Variants in PODXL2 observed in about 807,000 individuals in gnomAD.
PODXL2 encodes the protein podocalyxin-like protein 2.
Under a neutral mutation model 53.4 loss-of-function variants are expected in PODXL2, and 17 were observed. The ratio of observed to expected loss-of-function variants is 0.32; its 90% CI spans 0.22 to 0.48. The LOEUF is 0.48. PODXL2 is among the 20% of genes least tolerant of loss of function. The probability of loss-of-function intolerance (pLI) is 0.99; values close to 1 mark genes in which losing one functional copy is unlikely to be tolerated. For synonymous variants in PODXL2, 311 were observed against 306.7 expected, an observed-to-expected ratio of 1.01 and a Z score of -0.15; for missense variants, 673 against 760.0, an observed-to-expected ratio of 0.89 and a Z score of 1.35.
chr3:127,668,294 C>T lies in PODXL2; in HGVS notation c.1207-147C>T, dbSNP rs1028278358. ...TTCCCACATTCCCTGGCTTGCAGCT[C>T]TCAGAGGGTCTCCAGAGTTGACCAG... is the stretch of plus-strand genomic sequence containing the variant. On this transcript the variant is annotated intron_variant, in intron 4 of 7. Transcript: ENST00000342480. 104 of 628,700 alleles carry T rather than the reference C, an allele frequency of 1.7e-4. 1 individual carries two copies. Among genetic ancestry groups the T allele is most frequent in the Admixed American group, 8.5e-5 (2 of 23,570 alleles). The allele number at this position is 628,700 out of a possible 1,614,324, so 38.9% of individuals were successfully genotyped here. A position where few individuals can be genotyped will look rare whatever the true frequency, so the allele number is the denominator to read the frequency against.
In PODXL2 at chr3:127,672,427, G is replaced by A. The variant is rs1490753571; in HGVS notation, c.1765G>A (p.Gly589Ser). Residue 589 changes from glycine (G) to serine (S), a missense_variant, in exon 8 of 8, where the codon GGC becomes AGC. Coordinates refer to ENST00000342480, the MANE Select transcript of PODXL2 (RefSeq NM_015720.4). ...GPGSWGALMGGKRDPEDSDVF... is the reference protein window; with the variant it reads ...GPGSWGALMGSKRDPEDSDVF... ...GGGGAGCTGGGGGGCGCTCATGGGG[G>A]GCAAGCGGGACCCCGAGGACTCGGA... 6 of 1,541,024 alleles carry A rather than the reference G, an allele frequency of 3.9e-6. No individual in the cohort carries two copies. The highest frequency in any genetic ancestry group is 5.2e-6 in the Non-Finnish European group (6 of 1,145,242).
intron 2 of PODXL2, among the ~76,000 whole-genome samples, chr3:127,653,968 A>T (rs2074705499): frequency 6.6e-6 from 1 of 152,234 alleles, no homozygotes; most frequent in African/African-American, 2.4e-5. Context: ...CCACAGCAGG[A>T]TGATCAAAAT....
At chr3:127,648,256 A>G (rs1251711163) in intron 2 of PODXL2, among the ~76,000 whole-genome samples, 1 of 152,220 alleles carries the variant, frequency 6.6e-6, no homozygotes, top group African/African-American at 2.4e-5. Context: ...GCCGTAATCA[A>G]TTTTGGAGAA....
rs1328438761 is a variant in PODXL2, at chr3:127,672,451, G to A, written c.1789G>A (p.Asp597Asn). ...GGGCAAGCGGGACCCCGAGGACTCG[G>A]ACGTGTTCGAGGAGGACACGCACCT... ...MGGKRDPEDSDVFEEDTHL is the reference protein window; with the variant it reads ...MGGKRDPEDSNVFEEDTHL The change falls in exon 8 of 8, where the codon GAC becomes AAC. Residue 597 changes from aspartate (D) to asparagine (N), a missense_variant. Physicochemically the swap from Asp to Asn is conservative, Grantham distance 23 (BLOSUM62 1). Around this residue, in one of 3 missense-constraint regions of PODXL2, gnomAD observed 79 missense variants for 70.5 expected, o/e 1.12. Coordinates refer to ENST00000342480, the MANE Select transcript of PODXL2 (RefSeq NM_015720.4). 1.3e-6 allele frequency: 2 copies of A among 1,534,944 alleles called. No homozygotes were observed. The highest frequency in any genetic ancestry group is 2.8e-5 in the African/African-American group (2 of 72,678).
At chr3:127,635,694 ACT>A (rs1183826744) in intron 1 of PODXL2, among the ~76,000 whole-genome samples, 1 of 152,190 alleles carries the variant, frequency 6.6e-6, no homozygotes, top group Non-Finnish European at 1.5e-5. Context: ...TGGATTCAGA[ACT>A]CTAGGGTGGG....
At chr3:127,668,416 C>A in intron 4 of PODXL2, 25 bp from the exon 5 acceptor site, 2 of 1,494,916 alleles carry the variant, frequency 1.3e-6, no homozygotes, top group East Asian at 2.5e-5. Context: ...TCACTGAACA[C>A]GGGGGGCTCT....
intron 2 of PODXL2, among the ~76,000 whole-genome samples, chr3:127,654,729 A>G (rs1001367461): frequency 2.6e-5 from 4 of 152,174 alleles, no homozygotes; most frequent in African/African-American, 9.7e-5. Flanking sequence ...TCCTCATTCT[A>G]TGGAGACACT....
chr3:127,642,020 C>G (rs970131556), intron 2 of PODXL2, among the ~76,000 whole-genome samples: 5 of 152,016 alleles, frequency 3.3e-5, no homozygotes, highest in Non-Finnish European at 7.3e-5. Flanking sequence ...GGGCCGGGCA[C>G]GTGGCTCACG....
In PODXL2 at chr3:127,672,337, G is replaced by A; in HGVS notation, c.1675G>A (p.Asp559Asn). The change falls in exon 8 of 8, where the codon GAC becomes AAC. Residue 559 changes from aspartate to asparagine, a missense_variant. This residue lies in a region of PODXL2 where 79 missense variants were observed against 70.5 expected (regional missense o/e 1.12). Coordinates refer to ENST00000342480, the MANE Select transcript of PODXL2 (RefSeq NM_015720.4). ...CAACCCCACGCTGGACGTGGCCAGCGACAGCCAGTCGGAGATGCAGGAGAA... is the reference window on the plus strand; with the variant it reads ...CAACCCCACGCTGGACGTGGCCAGCAACAGCCAGTCGGAGATGCAGGAGAA... ...HDNPTLDVAS[D>N]SQSEMQEKHP... is the part of the protein sequence containing the mutation. 6.5e-7 allele frequency: 1 copy of A among 1,550,146 alleles called. No homozygotes were observed. Among genetic ancestry groups the A allele is most frequent in the South Asian group, 1.2e-5 (1 of 84,336 alleles).
At chr3:127,634,267 A>T (rs2074564243) in intron 1 of PODXL2, among the ~76,000 whole-genome samples, 2 of 152,120 alleles carry the variant, frequency 1.3e-5, no homozygotes, top group Admixed American at 1.3e-4. Context: ...CTCTACTAAA[A>T]ATACAAAATT....
chr3:127,637,391 A>G (rs983057567), intron 1 of PODXL2, among the ~76,000 whole-genome samples: 2 of 152,198 alleles, frequency 1.3e-5, no homozygotes, highest in Non-Finnish European at 2.9e-5. Flanking sequence ...TCCCCGGGCC[A>G]TGAACTTCAC....
chr3:127,666,127 G>A (rs1183657038), intron 4 of PODXL2, among the ~76,000 whole-genome samples: 2 of 152,166 alleles, frequency 1.3e-5, no homozygotes, highest in East Asian at 3.8e-4. Flanking sequence ...CATCACCACT[G>A]GATGATGTCC....
intron 2 of PODXL2, among the ~76,000 whole-genome samples, chr3:127,655,348 G>A (rs1436625997): frequency 2.0e-5 from 3 of 151,596 alleles, no homozygotes; most frequent in African/African-American, 2.4e-5. Flanking sequence ...GGAGGTTGGA[G>A]TGAGCCGAGA....
chr3:127,667,882 C>T (rs1383384620), intron 4 of PODXL2, among the ~76,000 whole-genome samples: 3 of 152,190 alleles, frequency 2.0e-5, no homozygotes, highest in Admixed American at 6.5e-5. Context: ...TGCATCTCTG[C>T]GATGACAGGC....
At chr3:127,664,434 G>A (rs1194249992) in intron 4 of PODXL2, among the ~76,000 whole-genome samples, 1 of 151,520 alleles carries the variant, frequency 6.6e-6, no homozygotes, top group African/African-American at 2.4e-5. Flanking sequence ...TCCATCTTTT[G>A]GCTATTGTGA....
rs1199018479 is a variant in PODXL2, at chr3:127,672,264, T to C, written c.1606-4T>C. ...GCCCATGGCCTCTCCCCACCCCGCC[T>C]CAGTCGCACGGCGAGGAGCTGCGCT... On this transcript the variant is annotated splice_polypyrimidine_tract_variant and splice_region_variant and intron_variant, in intron 7 of 7. Coordinates refer to ENST00000342480, the MANE Select transcript of PODXL2 (RefSeq NM_015720.4). The C allele has an allele frequency of 1.3e-6, 2 of 1,541,992 alleles. No individual in the cohort carries two copies. Among genetic ancestry groups the C allele is most frequent in the Non-Finnish European group, 1.7e-6 (2 of 1,146,224 alleles).
intron 1 of PODXL2, among the ~76,000 whole-genome samples, chr3:127,635,423 T>A (rs1222098789): frequency 1.3e-5 from 2 of 152,250 alleles, no homozygotes; most frequent in African/African-American, 4.8e-5. Flanking sequence ...AAATAAGCAT[T>A]TAATAAAGGC....
intron 6 of PODXL2, among the ~76,000 whole-genome samples, chr3:127,671,101 T>C (rs2074831037): frequency 6.6e-6 from 1 of 152,112 alleles, no homozygotes; most frequent in Non-Finnish European, 1.5e-5. Flanking sequence ...GCACTCTCTC[T>C]AGTTGGATGG....
intron 4 of PODXL2, among the ~76,000 whole-genome samples, chr3:127,666,361 T>A (rs1272941271): frequency 8.8e-6 from 1 of 113,472 alleles, no homozygotes; most frequent in Non-Finnish European, 1.9e-5. Flanking sequence ...GAGAGGTACT[T>A]CTTTTTTTTT....
Sources: gnomAD v4.1 joint callset for allele counts (sites outside exome capture counted in the v4.1 genomes callset) on GRCh38, gnomAD v4.1.1 for gene constraint, gnomAD v4.1.1 regional missense constraint, MANE v1.5 for transcripts, NCBI Gene and HGNC (gene_info 2026-07-23, HGNC 2026-07-21) for gene names.